Variants in EFCAB8 observed in about 807,000 individuals in gnomAD.
EFCAB8 encodes EF-hand calcium binding domain 8.
EFCAB8 carries 100 observed loss-of-function variants against 116.3 expected under a neutral mutation model. The ratio of observed to expected loss-of-function variants is 0.86; its 90% confidence interval spans 0.73 to 1.02. The LOEUF (loss-of-function observed/expected upper bound fraction) is 1.02, where lower values mean the gene tolerates loss of function less well. Ranked by LOEUF, EFCAB8 falls within the 50% of genes least tolerant of loss-of-function variation. The pLI, the probability that EFCAB8 is intolerant of heterozygous loss-of-function variation, is 0.00. For synonymous variants in EFCAB8, 558 were observed against 567.9 expected (o/e 0.98, Z 0.25); for missense variants, 1,320 against 1,416.9 (o/e 0.93, Z 1.10).
chr20:32,931,856 G>C (rs1313568779), intron 22 of EFCAB8, among the ~76,000 whole-genome samples: 1 of 152,282 alleles, frequency 6.6e-6, no homozygotes, highest in East Asian at 1.9e-4. Context: ...ATAAATTACA[G>C]TGTAATATCT....
At chr20:32,871,879 A>G (rs1984699677) in intron 3 of EFCAB8, among the ~76,000 whole-genome samples, 1 of 152,116 alleles carries the variant, frequency 6.6e-6, no homozygotes, top group Non-Finnish European at 1.5e-5. Context: ...TTAAAGAGGA[A>G]AGAGTGCCTT....
At chr20:32,930,304 G>T (rs1987845040) in intron 20 of EFCAB8, 94 bp from the exon 21 acceptor site, 1 of 1,046,342 alleles carries the variant, frequency 9.6e-7, no homozygotes, top group African/African-American at 1.6e-5. Flanking sequence ...GGAAACTGGG[G>T]GACCAGGTGG....
intron 22 of EFCAB8, among the ~76,000 whole-genome samples, chr20:32,936,962 TTG>T (rs1177686264): frequency 6.6e-6 from 1 of 152,148 alleles, no homozygotes; most frequent in Non-Finnish European, 1.5e-5. Context: ...TTCCATTTAT[TTG>T]TGTTTTCTTA....
At position 32,865,811 on chromosome 20, in the gene EFCAB8, A is replaced by T. The variant is rs1488675807; in HGVS notation, c.43-1771A>T. On this transcript the variant is annotated intron_variant, in intron 2 of 26. Transcript: ENST00000400522. Reference sequence around the variant, plus strand: ...CTCTGTCTCAAAAAAAAAAAAAAAAATTTGCTGCCTAGAAAGATGACTGGT... The same window carrying T: ...CTCTGTCTCAAAAAAAAAAAAAAAATTTTGCTGCCTAGAAAGATGACTGGT... 4.0e-5 allele frequency among the ~76,000 whole-genome samples: 6 copies of T among 151,422 alleles called. No individual in the cohort carries two copies. The South Asian group carries it at 8.4e-4, about 21-fold the overall frequency.
chr20:32,923,028 T>TA (rs368895344), intron 20 of EFCAB8, among the ~76,000 whole-genome samples: 19 of 151,690 alleles, frequency 1.3e-4, no homozygotes, highest in African/African-American at 4.6e-4. Context: ...TACAAAAAAT[T>TA]AAAAAAATTA....
intron 23 of EFCAB8, among the ~76,000 whole-genome samples, chr20:32,944,769 T>A (rs1243887182): frequency 2.0e-5 from 3 of 152,104 alleles, no homozygotes; most frequent in Admixed American, 1.3e-4. Flanking sequence ...TTGTTCTTTT[T>A]ATAATGTGTC....
At chr20:32,859,914 C>A (rs990932233) in intron 1 of EFCAB8, among the ~76,000 whole-genome samples, 1 of 152,188 alleles carries the variant, frequency 6.6e-6, no homozygotes, top group Non-Finnish European at 1.5e-5. Context: ...TTTTCCCAAT[C>A]GGATTCAATT....
chr20:32,917,156 G>A, intron 17 of EFCAB8, 145 bp from the exon 18 acceptor site: 1 of 643,698 alleles, frequency 1.6e-6, no homozygotes, highest in Non-Finnish European at 2.7e-6. Context: ...GAGGTCAATG[G>A]GACATGGCTT....
rs944258883 is a variant in EFCAB8 at position 32,893,221 on chromosome 20, A to G, written c.806A>G (p.Asn269Ser). The change falls in exon 9 of 27, where the codon AAC (asparagine) becomes AGC (serine). Residue 269 changes from asparagine to serine, a missense_variant. Asn to Ser is a conservative substitution (Grantham distance 46). Coordinates refer to ENST00000400522, the MANE Select transcript of EFCAB8 (RefSeq NM_001143967.2). ...GVFCYGDAKG[N>S]VIVFTSENMT... ...TTCTGCTATGGAGACGCCAAAGGCA[A>G]CGTCATTGTCTTCACCTCCGAAAAC... 15 of 1,551,954 alleles carry G rather than the reference A, an allele frequency of 9.7e-6. No individual in the cohort carries two copies. The Admixed American group carries it at 2.5e-4, about 26-fold the overall frequency.
At chr20:32,875,736 T>G (rs111265446) in intron 3 of EFCAB8, among the ~76,000 whole-genome samples, 190 bp from the exon 4 acceptor site, 30 of 152,058 alleles carry the variant, frequency 2.0e-4, no homozygotes, top group African/African-American at 5.1e-4. Context: ...CTTGAACTCC[T>G]GACCTCAAGT....
chr20:32,898,257 A>G (rs1986258836), intron 10 of EFCAB8: 3 of 452,862 alleles, frequency 6.6e-6, no homozygotes, highest in East Asian at 3.4e-5. Context: ...CAAGATTTCA[A>G]ATGAAAGTAG....
intron 7 of EFCAB8, among the ~76,000 whole-genome samples, chr20:32,891,275 A>G (rs137982231): frequency 6.4e-4 from 98 of 152,144 alleles, no homozygotes; most frequent in African/African-American, 2.3e-3. Flanking sequence ...GGTTGAAAAA[A>G]AAATATTGAA....
Position 32,961,388 on chromosome 20 carries a change from A to G in EFCAB8, c.3646A>G (p.Ser1216Gly). Residue 1216 changes from serine to glycine, a missense_variant, in exon 27 of 27, where the codon AGC (serine) becomes GGC (glycine). By Grantham distance (56) the Ser-to-Gly change is moderately conservative. Transcript: ENST00000400522. ...TASASRLLDS[S>G]LPTFLTPQFS... Reference sequence around the variant, plus strand: ...CTCAGCCTCCAGGCTGCTGGACTCCAGCTTGCCCACCTTCCTGACGCCCCA... The same window carrying G: ...CTCAGCCTCCAGGCTGCTGGACTCCGGCTTGCCCACCTTCCTGACGCCCCA... The G allele has an allele frequency of 6.9e-7, 1 of 1,458,590 alleles. No homozygotes were observed. The highest frequency in any genetic ancestry group is 1.8e-4 in the Middle Eastern group (1 of 5,530). The allele number at this position is 1,458,590 out of a possible 1,614,324, so 90.4% of individuals were successfully genotyped here. A position where few individuals can be genotyped will look rare whatever the true frequency, so the allele number is the denominator to read the frequency against.
chr20:32,904,275 G>A (rs1986568973), intron 11 of EFCAB8, among the ~76,000 whole-genome samples: 1 of 150,538 alleles, frequency 6.6e-6, no homozygotes, highest in African/African-American at 2.4e-5. Flanking sequence ...TTACAGGCGT[G>A]AGCCACTGTG....
At chr20:32,957,872 C>G (rs1332471729) in intron 23 of EFCAB8, among the ~76,000 whole-genome samples, 1 of 151,950 alleles carries the variant, frequency 6.6e-6, no homozygotes, top group African/African-American at 2.4e-5. Context: ...TTTGCTTCTA[C>G]TGCTTTCCAG....
In EFCAB8 at chr20:32,961,668, C is replaced by G; in HGVS notation, c.*59C>G. On this transcript the variant is annotated 3_prime_UTR_variant, in exon 27 of 27. Coordinates refer to ENST00000400522, the MANE Select transcript of EFCAB8 (RefSeq NM_001143967.2). Reference sequence around the variant, plus strand: ...GGCAACCAGGCCCATGGCGGTCCTGCATGTTCTCGGCTTATTCCCTACCAG... The same window carrying G: ...GGCAACCAGGCCCATGGCGGTCCTGGATGTTCTCGGCTTATTCCCTACCAG... The G allele has an allele frequency of 9.4e-7, 1 of 1,064,948 alleles. No individual in the cohort carries two copies. Among genetic ancestry groups the G allele is most frequent in the Non-Finnish European group, 1.2e-6 (1 of 821,152 alleles). The allele number at this position is 1,064,948 out of a possible 1,614,324, so 66.0% of individuals were successfully genotyped here. A position where few individuals can be genotyped will look rare whatever the true frequency, so the allele number is the denominator to read the frequency against.
intron 3 of EFCAB8, 54 bp downstream of exon 3, chr20:32,867,801 C>T (rs1283887858): frequency 6.6e-7 from 1 of 1,524,008 alleles, no homozygotes; most frequent in African/African-American, 1.4e-5. Flanking sequence ...CAGGGCAGGA[C>T]CGAGTACCTG....
rs1433615684 is a variant in EFCAB8 at position 32,896,510 on chromosome 20, A to G, written c.940A>G (p.Arg314Gly). 3 of 718,928 alleles carry G rather than the reference A, an allele frequency of 4.2e-6. No individual in the cohort carries two copies. Among genetic ancestry groups the G allele is most frequent in the Non-Finnish European group, 7.8e-6 (3 of 385,190 alleles). The allele number at this position is 718,928 out of a possible 1,614,324, so 44.5% of individuals were successfully genotyped here. A position where few individuals can be genotyped will look rare whatever the true frequency, so the allele number is the denominator to read the frequency against. ...CTTAAATGAGAAGTCTGCTTTGCAT[A>G]GAAGCTACCGGCTGAAGGTGAGTTT... The part of the protein sequence containing the change: ...KLLNEKSALH[R>G]SYRLKALHPN... The change falls in exon 10 of 27, where the codon AGA (arginine) becomes GGA (glycine). Residue 314 changes from arginine to glycine, a missense_variant. Arg to Gly is a moderately radical substitution (Grantham distance 125). Coordinates refer to ENST00000400522, the MANE Select transcript of EFCAB8 (RefSeq NM_001143967.2).
In EFCAB8 at chr20:32,911,572, C is replaced by T. The variant is rs971876558; in HGVS notation, c.1650C>T (p.His550=). The T allele has an allele frequency of 1.6e-5, 25 of 1,546,498 alleles. No individual in the cohort carries two copies. Among genetic ancestry groups the T allele is most frequent in the Non-Finnish European group, 2.0e-5 (23 of 1,143,430 alleles). The change falls in exon 16 of 27, where the codon CAC becomes CAT. Residue 550 remains histidine (H), a synonymous_variant. Coordinates refer to ENST00000400522, the MANE Select transcript of EFCAB8 (RefSeq NM_001143967.2). ...TMEFAVSGGQ[H]VEMTAMALDE... is the part of the protein sequence containing the mutation. ...AGTTTGCTGTGTCTGGGGGCCAGCA[C>T]GTGGAGATGACCGCCATGGCCCTGG...
Sources: allele counts gnomAD v4.1 joint callset (sites outside exome capture counted in the v4.1 genomes callset), GRCh38; gene constraint gnomAD v4.1.1; transcripts MANE v1.5; gene names NCBI Gene and HGNC (gene_info 2026-07-23, HGNC 2026-07-21).